The following ATXN2 variants were observed in gnomAD, a reference collection of about 807,000 sequenced individuals.
The protein encoded by ATXN2 is ataxin-2.
A neutral mutation model predicts 138.6 loss-of-function variants in ATXN2; 37 were observed. The observed-to-expected ratio is 0.27, with a 90% CI of 0.21 to 0.35. The LOEUF (loss-of-function observed/expected upper bound fraction) is 0.35, where lower values mean the gene tolerates loss of function less well. Among genes scored for constraint, ATXN2 ranks in the 10% least tolerant of loss-of-function variants. ATXN2 has a pLI of 1.00. For synonymous variants in ATXN2, 549 were observed against 543.7 expected (o/e 1.01, Z -0.13); for missense variants, 1,216 against 1,480.3 (o/e 0.82, Z 2.93).
At chr12:111,527,158 T>C (rs1406424154) in intron 5 of ATXN2, among the ~76,000 whole-genome samples, 1 of 152,216 alleles carries the variant, frequency 6.6e-6, no homozygotes, top group Non-Finnish European at 1.5e-5. Flanking sequence ...CACTGGGCAA[T>C]GATGGCACTA....
At chr12:111,542,388 G>A (rs960023389) in intron 5 of ATXN2, among the ~76,000 whole-genome samples, 8 of 151,310 alleles carry the variant, frequency 5.3e-5, no homozygotes, top group Non-Finnish European at 8.8e-5. Flanking sequence ...CCGTCACCTC[G>A]CCCAGCTAAT....
rs139711414 is a variant in ATXN2, at chr12:111,587,534, T to C, written c.251+11250A>G. Among the ~76,000 whole-genome samples, 375 of 152,166 alleles carry C rather than the reference T, an allele frequency of 2.5e-3. 2 individuals carry two copies. Among genetic ancestry groups the C allele is most frequent in the African/African-American group, 8.8e-3 (364 of 41,544 alleles). On this transcript the variant is annotated intron_variant, in intron 1 of 24. Coordinates refer to ENST00000673436, the MANE Select transcript of ATXN2 (RefSeq NM_001372574.1). Reference sequence around the variant, plus strand: ...AGCCAGGCATGGTGGCATACACCTGTAGTTCCAGCTACTCGGGAGACTGAG... The same window carrying C: ...AGCCAGGCATGGTGGCATACACCTGCAGTTCCAGCTACTCGGGAGACTGAG...
intron 18 of ATXN2, among the ~76,000 whole-genome samples, chr12:111,475,775 AT>A (rs1322714459): frequency 6.6e-6 from 1 of 152,152 alleles, no homozygotes; most frequent in African/African-American, 2.4e-5. Context: ...GAAAAAAAAA[AT>A]CAATGTTGGC....
rs763951587 is a variant in ATXN2 at position 111,525,299 on chromosome 12, C to T, written c.589G>A (p.Ala197Thr). 9.4e-6 allele frequency: 15 copies of T among 1,598,416 alleles called. No individual in the cohort carries two copies. The highest frequency in any genetic ancestry group is 1.3e-5 in the Non-Finnish European group (15 of 1,175,004). The change falls in exon 6 of 25, where the codon GCT (alanine) becomes ACT (threonine). Residue 197 changes from alanine (A) to threonine (T), a missense_variant. Physicochemically the swap from Ala to Thr is moderately conservative, Grantham distance 58. This residue lies in a region of ATXN2 where 401 missense variants were observed against 528.1 expected (regional missense o/e 0.76). Coordinates refer to ENST00000673436, the MANE Select transcript of ATXN2 (RefSeq NM_001372574.1). ...YAKRDAFTDS[A>T]ISAKVNGEHK... ...TCGCCATTCACTTTAGCACTGATAG[C>T]AGAGTCAGTAAAAGCATCTGCAAAG...
At chr12:111,582,112 G>A (rs1566079228) in intron 1 of ATXN2, among the ~76,000 whole-genome samples, 1 of 152,080 alleles carries the variant, frequency 6.6e-6, no homozygotes, top group South Asian at 2.1e-4. Context: ...GGCAAGAGGA[G>A]TACTTGAGGG....
intron 18 of ATXN2, among the ~76,000 whole-genome samples, chr12:111,476,283 T>G (rs191826629): frequency 9.9e-5 from 15 of 152,266 alleles, no homozygotes; most frequent in Non-Finnish European, 2.2e-4. Flanking sequence ...TGATAAGTAT[T>G]TGAACATAAT....
intron 5 of ATXN2, among the ~76,000 whole-genome samples, chr12:111,532,380 T>A (rs1880885227): frequency 6.6e-6 from 1 of 152,150 alleles, no homozygotes; most frequent in Admixed American, 6.5e-5. Context: ...CTCAGGAGGC[T>A]GAGGCAGGAG....
At chr12:111,468,245 A>G (rs1048211603) in intron 20 of ATXN2, 4 of 152,274 alleles carry the variant, frequency 2.6e-5, no homozygotes, top group African/African-American at 9.6e-5. Flanking sequence ...AGACAACTAA[A>G]GACAAGTCAA....
chr12:111,477,934 C>T (rs910911862), intron 18 of ATXN2, among the ~76,000 whole-genome samples: 1 of 151,778 alleles, frequency 6.6e-6, no homozygotes, highest in African/African-American at 2.4e-5. Flanking sequence ...CATAGGAATG[C>T]GCTTCTGTGC....
At chr12:111,455,327 C>A (rs1874995285) in intron 23 of ATXN2, 2 of 529,750 alleles carry the variant, frequency 3.8e-6, no homozygotes, top group Admixed American at 3.1e-5. Flanking sequence ...AGTGCAGGGA[C>A]CTTTGTCAGC....
rs181968585 is a variant in ATXN2 at position 111,481,467 on chromosome 12, C to G, written c.2524+3798G>C. Among the ~76,000 whole-genome samples, 696 of 150,358 alleles carry G rather than the reference C, an allele frequency of 4.6e-3. 7 individuals carry two copies. The highest frequency in any genetic ancestry group is 0.016 in the African/African-American group (661 of 40,284). On this transcript the variant is annotated intron_variant, in intron 18 of 24. Transcript: ENST00000673436. ...AAAAAAACAAAAAACCACAATGACA[C>G]TTCATAACCACTAGAATGGACATAA...
In ATXN2 at chr12:111,525,433, A is replaced by G. The variant is rs1030535368; in HGVS notation, c.572-117T>C. 42 of 1,184,616 alleles carry G rather than the reference A, an allele frequency of 3.5e-5. No individual in the cohort carries two copies. The Middle Eastern group carries it at 1.7e-3, about 47-fold the overall frequency. The allele number at this position is 1,184,616 out of a possible 1,614,324, so 73.4% of individuals were successfully genotyped here. On this transcript the variant is annotated intron_variant, in intron 5 of 24. Transcript: ENST00000673436. ...AACAATTACGAAAAATGAATTTCAC[A>G]TAATTGTTTAACTTAAAATCTAACA...
chr12:111,529,377 AG>A (rs1455501661), intron 5 of ATXN2, among the ~76,000 whole-genome samples: 1 of 152,252 alleles, frequency 6.6e-6, no homozygotes, highest in Non-Finnish European at 1.5e-5. Flanking sequence ...CTGTTTCTGA[AG>A]GAACTACAGG....
intron 1 of ATXN2, among the ~76,000 whole-genome samples, chr12:111,573,761 C>G (rs1209063427): frequency 6.6e-6 from 1 of 152,062 alleles, no homozygotes; most frequent in Non-Finnish European, 1.5e-5. Context: ...CACAGCTCTC[C>G]TGAAACCTAA....
At chr12:111,518,223 T>C (rs1166144708) in intron 9 of ATXN2, 26 bp downstream of exon 9, 1 of 1,517,840 alleles carries the variant, frequency 6.6e-7, no homozygotes. Flanking sequence ...ATCAATGATA[T>C]TGACAAGTCT....
At chr12:111,544,842 G>A (rs1242978643) in intron 5 of ATXN2, among the ~76,000 whole-genome samples, 3 of 152,184 alleles carry the variant, frequency 2.0e-5, no homozygotes, top group African/African-American at 7.2e-5. Flanking sequence ...GCAGGATAAT[G>A]GCTAGAAGAA....
intron 1 of ATXN2, among the ~76,000 whole-genome samples, chr12:111,559,668 G>A (rs1882569646): frequency 6.6e-6 from 1 of 151,104 alleles, no homozygotes; most frequent in African/African-American, 2.4e-5. Flanking sequence ...GATATTTGGG[G>A]AGGCTGAGAC....
chr12:111,520,787 A>G (rs1029868340), intron 7 of ATXN2, 95 bp downstream of exon 7: 2 of 669,222 alleles, frequency 3.0e-6, no homozygotes, highest in Non-Finnish European at 4.7e-6. Context: ...GTAATTGTTT[A>G]ACTTAAAAAC....
chr12:111,564,485 GAA>G (rs34034056), intron 1 of ATXN2, among the ~76,000 whole-genome samples: 12,225 of 135,692 alleles, frequency 0.09, 1,660 homozygotes, highest in African/African-American at 0.3. Flanking sequence ...AGGGGAAATG[GAA>G]AAAAAAAAAA....
Sources: allele counts gnomAD v4.1 joint callset (sites outside exome capture counted in the v4.1 genomes callset), GRCh38; gene constraint gnomAD v4.1.1; regional missense constraint gnomAD v4.1.1; transcripts MANE v1.5; gene names NCBI Gene and HGNC (gene_info 2026-07-23, HGNC 2026-07-21).